FBXL17: variants seen among roughly 807,000 people sequenced by gnomAD.
FBXL17 encodes the protein F-box and leucine rich repeat protein 17.
In FBXL17, 22 loss-of-function variants were observed where a neutral mutation model predicts 66.2. The ratio of observed to expected loss-of-function variants is 0.33; its 90% CI spans 0.24 to 0.47. FBXL17 has a LOEUF of 0.47. Ranked by LOEUF, FBXL17 falls within the 20% of genes least tolerant of loss-of-function variation. FBXL17 has a pLI of 1.00. For missense variants in FBXL17, 878 were observed against 948.2 expected (o/e 0.93, Z 0.97); for synonymous variants, 474 against 400.5 (o/e 1.18, Z -2.19).
intron 5 of FBXL17, among the ~76,000 whole-genome samples, chr5:108,215,688 G>T (rs1561469254): frequency 6.6e-6 from 1 of 152,124 alleles, no homozygotes; most frequent in South Asian, 2.1e-4. Context: ...AGTATCCTTT[G>T]AATTTTTAAT....
intron 4 of FBXL17, among the ~76,000 whole-genome samples, chr5:108,245,408 A>C (rs1489752257): frequency 1.3e-5 from 2 of 152,216 alleles, no homozygotes; most frequent in African/African-American, 4.8e-5. Flanking sequence ...TGATGTATGA[A>C]TATAGAACAT....
At position 108,160,744 on chromosome 5, in the gene FBXL17, A is replaced by T. The variant is rs544970342; in HGVS notation, c.1745+25373T>A. ...TTAGAGAAAGGACTAGAGAAGAGAG[A>T]AGTTTACTCTCAAAGATCTAAAAAT... On this transcript the variant is annotated intron_variant, in intron 6 of 8. Coordinates refer to ENST00000542267, the MANE Select transcript of FBXL17 (RefSeq NM_001163315.3). Among the ~76,000 whole-genome samples, 270 of 152,260 alleles carry T rather than the reference A, an allele frequency of 1.8e-3. 3 individuals are homozygous for T. The highest frequency in any genetic ancestry group is 3.2e-3 in the Non-Finnish European group (219 of 68,002).
intron 4 of FBXL17, among the ~76,000 whole-genome samples, chr5:108,297,526 CA>C (rs1300178216): frequency 1.1e-4 from 16 of 151,604 alleles, no homozygotes; most frequent in Non-Finnish European, 4.4e-5. Context: ...TTTAAAGACT[CA>C]AACATCAAAA....
intron 5 of FBXL17, 42 bp downstream of exon 5, chr5:108,224,079 T>C (rs749938554): frequency 9.6e-7 from 1 of 1,036,650 alleles, no homozygotes; most frequent in Admixed American, 1.8e-5. Context: ...ATCACCTGTA[T>C]GATACTCAAA....
chr5:108,233,610 G>T (rs1265683746), intron 4 of FBXL17, among the ~76,000 whole-genome samples: 1 of 152,152 alleles, frequency 6.6e-6, no homozygotes, highest in African/African-American at 2.4e-5. Context: ...TGATTCACAT[G>T]GCAGAGGTAA....
At chr5:107,955,788 C>A (rs188250659) in intron 7 of FBXL17, among the ~76,000 whole-genome samples, 2 of 152,248 alleles carry the variant, frequency 1.3e-5, no homozygotes, top group Middle Eastern at 6.8e-3. Flanking sequence ...GAATAGCCCA[C>A]CTCTCAAACA....
chr5:108,299,694 C>T (rs1758500591), intron 4 of FBXL17: 3 of 983,864 alleles, frequency 3.0e-6, no homozygotes, highest in Non-Finnish European at 3.6e-6. Flanking sequence ...TCATGATTGG[C>T]TGCTTGTCCA....
intron 4 of FBXL17, among the ~76,000 whole-genome samples, chr5:108,295,821 A>G (rs539797853): frequency 2.0e-5 from 3 of 152,112 alleles, no homozygotes; most frequent in Middle Eastern, 6.8e-3. Context: ...GTAAGGCTTA[A>G]GGTCAACTGG....
At chr5:108,089,368 A>T (rs562429155) in intron 6 of FBXL17, among the ~76,000 whole-genome samples, 19 of 152,236 alleles carry the variant, frequency 1.2e-4, no homozygotes, top group African/African-American at 4.6e-4. Flanking sequence ...CCTTTTTCCT[A>T]TACCTGGCCA....
chr5:108,004,066 T>C (rs1753837652), intron 7 of FBXL17, among the ~76,000 whole-genome samples: 1 of 152,004 alleles, frequency 6.6e-6, no homozygotes, highest in Admixed American at 6.6e-5. Flanking sequence ...AAGAAGATAT[T>C]GCAAGCAAAG....
At chr5:108,017,833 C>T (rs1754442324) in intron 7 of FBXL17, among the ~76,000 whole-genome samples, 1 of 152,098 alleles carries the variant, frequency 6.6e-6, no homozygotes, top group African/African-American at 2.4e-5. Context: ...CCATAAATAT[C>T]TATGTTCAGT....
chr5:108,041,466 G>C (rs1317505062), intron 6 of FBXL17, among the ~76,000 whole-genome samples: 1 of 152,156 alleles, frequency 6.6e-6, no homozygotes, highest in East Asian at 1.9e-4. Flanking sequence ...ACCCAGGCCG[G>C]AGAGCAGTGG....
chr5:108,311,262 C>T (rs1278160943), intron 4 of FBXL17, among the ~76,000 whole-genome samples: 1 of 152,024 alleles, frequency 6.6e-6, no homozygotes, highest in East Asian at 1.9e-4. Context: ...ACCTCTGCCT[C>T]CTGGGTCCCA....
intron 7 of FBXL17, among the ~76,000 whole-genome samples, chr5:107,958,021 C>A (rs769031904): frequency 6.6e-6 from 1 of 151,548 alleles, no homozygotes; most frequent in South Asian, 2.1e-4. Context: ...TAATTGTTGA[C>A]ACGGCAGAGA....
At chr5:108,039,755 T>C (rs1428237363) in intron 6 of FBXL17, among the ~76,000 whole-genome samples, 1 of 152,042 alleles carries the variant, frequency 6.6e-6, no homozygotes, top group Non-Finnish European at 1.5e-5. Context: ...TCCTGACCAT[T>C]AAAGTAGAAA....
intron 5 of FBXL17, among the ~76,000 whole-genome samples, chr5:108,192,545 T>G (rs1372656553): frequency 6.6e-6 from 1 of 152,140 alleles, no homozygotes; most frequent in African/African-American, 2.4e-5. Flanking sequence ...CTAGGAAACA[T>G]AAGCTTGGTG....
intron 7 of FBXL17, among the ~76,000 whole-genome samples, chr5:108,004,619 G>A (rs1043073635): frequency 2.6e-5 from 4 of 152,132 alleles, no homozygotes; most frequent in Admixed American, 6.6e-5. Flanking sequence ...GCCTGGGATC[G>A]AGGACAGCTT....
In FBXL17 at chr5:107,896,198, C is replaced by T. The variant is rs528234672; in HGVS notation, c.1823-15019G>A. On this transcript the variant is annotated intron_variant, in intron 7 of 8. Transcript: ENST00000542267. The stretch of plus-strand genomic sequence containing the variant: ...CCAGAAGTATCCCGCATCATTATTT[C>T]GTTTAAGAATTATGAAGTTAAAGAG... 5.3e-5 allele frequency among the ~76,000 whole-genome samples: 8 copies of T among 152,052 alleles called. No individual in the cohort carries two copies. The South Asian group carries it at 6.2e-4, about 12-fold the overall frequency.
intron 5 of FBXL17, among the ~76,000 whole-genome samples, chr5:108,204,486 T>G (rs1754029767): frequency 6.6e-6 from 1 of 152,020 alleles, no homozygotes. Flanking sequence ...ACACCCACCC[T>G]AAAAAAAGGT....
Sources: gnomAD v4.1 joint callset for allele counts (sites outside exome capture counted in the v4.1 genomes callset) on GRCh38, gnomAD v4.1.1 for gene constraint, MANE v1.5 for transcripts, NCBI Gene and HGNC (gene_info 2026-07-23, HGNC 2026-07-21) for gene names.